The following PCM1 variants were observed in gnomAD, a reference collection of about 807,000 sequenced individuals.
PCM1 encodes pericentriolar material 1.
A neutral mutation model predicts 241.9 loss-of-function variants in PCM1; 157 were observed. That is an observed-to-expected ratio of 0.65 (90% confidence interval 0.57 to 0.74). The LOEUF (loss-of-function observed/expected upper bound fraction) is 0.74. PCM1 is among the 30% of genes least tolerant of loss of function. The pLI is 0.00. For missense variants in PCM1, 3,478 were observed against 2,360.1 expected, an observed-to-expected ratio of 1.47 and a Z score of -9.81; for synonymous variants, 1,085 against 784.9, an observed-to-expected ratio of 1.38 and a Z score of -6.39.
At chr8:17,931,137 A>C (rs780696988) in intron 2 of PCM1, among the ~76,000 whole-genome samples, 1 of 152,164 alleles carries the variant, frequency 6.6e-6, no homozygotes, top group Non-Finnish European at 1.5e-5. Flanking sequence ...TCCCAAACTA[A>C]TTAGAGTGTA....
Position 17,951,784 on chromosome 8 carries a change from G to C in PCM1, c.1071+1060G>C, listed in dbSNP as rs897322181. On this transcript the variant is annotated intron_variant, in intron 8 of 38. Coordinates refer to ENST00000325083, the MANE Select transcript of PCM1 (RefSeq NM_006197.4). ...TGGAAAGGGTACAAACAGAGCTTTA[G>C]TTAAATCTGTAATGTTATATTTTTC... Among the ~76,000 whole-genome samples the C allele has an allele frequency of 2.6e-5, 4 of 152,132 alleles. 1 individual carries two copies. Among genetic ancestry groups the C allele is most frequent in the Non-Finnish European group, 5.9e-5 (4 of 68,038 alleles).
At chr8:18,017,582 G>A (rs2093345875) in intron 36 of PCM1, among the ~76,000 whole-genome samples, 1 of 152,200 alleles carries the variant, frequency 6.6e-6, no homozygotes, top group Admixed American at 6.5e-5. Flanking sequence ...GGCCAGGCAT[G>A]GTGGTTCATG....
At chr8:18,001,544 T>TAGGA (rs1157564841) in intron 29 of PCM1, among the ~76,000 whole-genome samples, 1 of 152,234 alleles carries the variant, frequency 6.6e-6, no homozygotes, top group Non-Finnish European at 1.5e-5. Context: ...ACAAATGGAA[T>TAGGA]AGGAAGACAG....
rs1194024903 is a variant in PCM1 at position 18,027,703 on chromosome 8, C to T, written c.*41C>T. 11 of 1,423,788 alleles carry T rather than the reference C, an allele frequency of 7.7e-6. No homozygotes were observed. The Admixed American group carries it at 1.0e-4, about 13-fold the overall frequency. 88.2% of individuals were successfully genotyped at this position (1,423,788 alleles called of 1,614,324 possible). A position where few individuals can be genotyped will look rare whatever the true frequency, so the allele number is the denominator to read the frequency against. ...TCATCTAACTCTGTCCTTACATACTCAATGCATATATGAAAACAATACTAA... is the reference window on the plus strand; with the variant it reads ...TCATCTAACTCTGTCCTTACATACTTAATGCATATATGAAAACAATACTAA... On this transcript the variant is annotated 3_prime_UTR_variant, in exon 39 of 39. Coordinates refer to ENST00000325083, the MANE Select transcript of PCM1 (RefSeq NM_006197.4).
In PCM1 at chr8:17,923,094, C is replaced by G. The variant is rs1200599647; in HGVS notation, c.-185C>G. The G allele has an allele frequency of 6.6e-6, 1 of 152,552 alleles. No individual in the cohort carries two copies. The highest frequency in any genetic ancestry group is 1.5e-5 in the Non-Finnish European group (1 of 68,314). 9.4% of individuals were successfully genotyped at this position (152,552 alleles called of 1,614,324 possible). On this transcript the variant is annotated 5_prime_UTR_variant, in exon 1 of 39. Coordinates refer to ENST00000325083, the MANE Select transcript of PCM1 (RefSeq NM_006197.4). ...GCAGCCAGGAAACGTGTGGGCCTCT[C>G]TGCTGCGGTCTCCGAGGGCCGACCG...
rs149542644 is a variant in PCM1 at position 18,020,593 on chromosome 8, A to G, written c.5842-4768A>G. Among the ~76,000 whole-genome samples the G allele has an allele frequency of 5.3e-3, 800 of 152,346 alleles. 3 individuals are homozygous for G. Among genetic ancestry groups the G allele is most frequent in the African/African-American group, 0.017 (688 of 41,572 alleles). ...ATTGACTTATGGAAAACTTCATTAAATAATTCTGAATAAATACATTTTATT... is the reference window on the plus strand; with the variant it reads ...ATTGACTTATGGAAAACTTCATTAAGTAATTCTGAATAAATACATTTTATT... On this transcript the variant is annotated intron_variant, in intron 36 of 38. Transcript: ENST00000325083.
Position 17,956,631 on chromosome 8 carries a change from G to A in PCM1, c.1500G>A (p.Leu500=). ...LQKLNEVRKR[L]NELRELVHYY... ...AGTTAAATGAAGTTCGAAAGAGATT[G>A]AATGAGCTAAGAGAATTAGTTCATT... Residue 500 remains leucine (L), a synonymous_variant, in exon 11 of 39, where the codon TTG becomes TTA. Transcript: ENST00000325083. 3.1e-6 allele frequency: 5 copies of A among 1,597,556 alleles called. No individual in the cohort carries two copies. The highest frequency in any genetic ancestry group is 4.3e-6 in the Non-Finnish European group (5 of 1,170,476).
intron 16 of PCM1, 163 bp from the exon 17 acceptor site, chr8:17,962,938 C>A: frequency 1.9e-6 from 1 of 530,112 alleles, no homozygotes; most frequent in Non-Finnish European, 3.2e-6. Context: ...TTTTTGTAAT[C>A]ATAACTATAT....
intron 3 of PCM1, 60 bp downstream of exon 3, chr8:17,935,766 C>T (rs547923182): frequency 1.2e-6 from 1 of 812,978 alleles, no homozygotes; most frequent in Non-Finnish European, 2.1e-6. Context: ...TGCAGTTTTC[C>T]CCCTGACCAA....
chr8:17,985,935 T>C (rs1364024094), intron 25 of PCM1, 24 bp from the exon 26 acceptor site: 8 of 1,412,218 alleles, frequency 5.7e-6, no homozygotes, highest in Non-Finnish European at 7.7e-6. Context: ...TTTATATAAA[T>C]GATGATCTTA....
intron 6 of PCM1, among the ~76,000 whole-genome samples, chr8:17,941,939 TATTA>T (rs1428362480): frequency 6.6e-6 from 1 of 152,240 alleles, no homozygotes; most frequent in East Asian, 1.9e-4. Context: ...TACTCTTACA[TATTA>T]ATTGTTAATA....
At position 17,962,033 on chromosome 8, in the gene PCM1, G is replaced by A. The variant is rs1334980022; in HGVS notation, c.2323-1G>A. 5 of 1,603,510 alleles carry A rather than the reference G, an allele frequency of 3.1e-6. No individual in the cohort carries two copies. Among genetic ancestry groups the A allele is most frequent in the Non-Finnish European group, 4.3e-6 (5 of 1,175,234 alleles). Reference sequence around the variant, plus strand: ...AACGTTTTTTGTGAATTCCTTTTTAGCTGTCAGCTGCTAGTGTGGGTAACT... The same window carrying A: ...AACGTTTTTTGTGAATTCCTTTTTAACTGTCAGCTGCTAGTGTGGGTAACT... On this transcript the variant is annotated splice_acceptor_variant, in intron 15 of 38. Coordinates refer to ENST00000325083, the MANE Select transcript of PCM1 (RefSeq NM_006197.4). LOFTEE classifies it high-confidence loss of function.
At position 17,960,143 on chromosome 8, in the gene PCM1, A is replaced by G. The variant is rs367912305; in HGVS notation, c.2170A>G (p.Thr724Ala). 200 of 1,580,626 alleles carry G rather than the reference A, an allele frequency of 1.3e-4. 1 individual carries two copies. The highest frequency in any genetic ancestry group is 1.7e-4 in the Non-Finnish European group (198 of 1,162,990). Residue 724 changes from threonine (T) to alanine (A), a missense_variant, in exon 14 of 39, where the codon ACT becomes GCT. Transcript: ENST00000325083. ...AAATGCCAATAAAACACAGAAAGAT[A>G]CTGGAGTAAATGAAAAGGCAAGGTA... is the stretch of plus-strand genomic sequence containing the variant. ...RGNANKTQKD[T>A]GVNEKAREKF...
At chr8:18,013,745 A>G (rs1266971085) in intron 34 of PCM1, 1 of 486,810 alleles carries the variant, frequency 2.1e-6, no homozygotes, top group Non-Finnish European at 3.6e-6. Flanking sequence ...CAGTTGTATT[A>G]TACTGTGTGT....
intron 38 of PCM1, among the ~76,000 whole-genome samples, chr8:18,026,260 C>CT (rs35129825): frequency 0.21 from 23,111 of 109,110 alleles, 2,896 homozygotes; most frequent in South Asian, 0.4. Flanking sequence ...CAAAAACCCA[C>CT]TTTTTTTTTT....
At position 17,977,634 on chromosome 8, in the gene PCM1, A is replaced by T. The variant is rs529523489; in HGVS notation, c.3944-2957A>T. Among the ~76,000 whole-genome samples the T allele has an allele frequency of 1.9e-3, 296 of 152,226 alleles. 1 individual carries two copies. Among genetic ancestry groups the T allele is most frequent in the African/African-American group, 6.7e-3 (280 of 41,546 alleles). On this transcript the variant is annotated intron_variant, in intron 23 of 38. Coordinates refer to ENST00000325083, the MANE Select transcript of PCM1 (RefSeq NM_006197.4). ...AACCCTTCCCCTTACCCCCAAGAGT[A>T]GCAGTGTTTTGCTACTGCAAGCTAC...
chr8:17,953,255 T>G, intron 9 of PCM1, 69 bp downstream of exon 9: 1 of 745,624 alleles, frequency 1.3e-6, no homozygotes, highest in Non-Finnish European at 2.1e-6. Context: ...CATAATAAAT[T>G]TAGTATTTGG....
Position 17,985,975 on chromosome 8 carries a change from A to G in PCM1, c.4298A>G (p.His1433Arg), listed in dbSNP as rs1477900069. The change falls in exon 26 of 39, where the codon CAT (histidine) becomes CGT (arginine). Residue 1433 changes from histidine to arginine, a missense_variant. Coordinates refer to ENST00000325083, the MANE Select transcript of PCM1 (RefSeq NM_006197.4). ...LYALQDIVSRHISESHEKGEN... is the reference protein window; with the variant it reads ...LYALQDIVSRRISESHEKGEN... ...CTTATTTAGGACATAGTATCCAGAC[A>G]TATTTCTGAGAGCCATGAAAAAGGA... 3.2e-6 allele frequency: 5 copies of G among 1,564,938 alleles called. No individual in the cohort carries two copies. The highest frequency in any genetic ancestry group is 4.4e-6 in the Non-Finnish European group (5 of 1,142,548).
intron 23 of PCM1, among the ~76,000 whole-genome samples, chr8:17,975,441 G>T (rs1191184852): frequency 3.3e-5 from 5 of 152,156 alleles, no homozygotes; most frequent in African/African-American, 1.2e-4. Context: ...GGGATTACAG[G>T]TGTGAGCCAC....
Sources: gnomAD v4.1 joint callset for allele counts (sites outside exome capture counted in the v4.1 genomes callset) on GRCh38, gnomAD v4.1.1 for gene constraint, MANE v1.5 for transcripts, NCBI Gene and HGNC (gene_info 2026-07-23, HGNC 2026-07-21) for gene names.